The following MBD5 variants were observed in gnomAD, a reference collection of about 807,000 sequenced individuals.
MBD5 encodes the protein methyl-CpG binding domain protein 5.
In MBD5, 13 loss-of-function variants were observed where a neutral mutation model predicts 117.3. That is an observed-to-expected ratio of 0.11 (90% confidence interval 0.07 to 0.18). MBD5 has a LOEUF of 0.18. Ranked by LOEUF, MBD5 falls within the 10% of genes least tolerant of loss-of-function variation. MBD5 has a pLI of 1.00. For synonymous variants in MBD5, 727 were observed against 766.4 expected (o/e 0.95, Z 0.85); for missense variants, 1,879 against 2,093.8 (o/e 0.90, Z 2.00).
At chr2:148,051,572 G>C (rs973137489) in intron 1 of MBD5, among the ~76,000 whole-genome samples, 2 of 148,052 alleles carry the variant, frequency 1.4e-5, no homozygotes, top group African/African-American at 2.5e-5. Context: ...GTTCTGTCAG[G>C]CTGAGGAAAT....
chr2:148,158,175 C>T (rs891692226), intron 1 of MBD5, among the ~76,000 whole-genome samples: 14 of 151,630 alleles, frequency 9.2e-5, no homozygotes, highest in African/African-American at 3.2e-4. Context: ...ATATATGATC[C>T]ATCATATGCT....
At chr2:148,216,994 A>T (rs1289057694) in intron 2 of MBD5, among the ~76,000 whole-genome samples, 1 of 152,224 alleles carries the variant, frequency 6.6e-6, no homozygotes, top group Non-Finnish European at 1.5e-5. Context: ...TTTAGGACCT[A>T]AAGTAATGTT....
At chr2:148,386,008 C>T (rs1257940605) in intron 4 of MBD5, among the ~76,000 whole-genome samples, 1 of 148,432 alleles carries the variant, frequency 6.7e-6, no homozygotes, top group African/African-American at 2.5e-5. Flanking sequence ...ATACCTAATG[C>T]TAAATGAGGA....
intron 1 of MBD5, among the ~76,000 whole-genome samples, chr2:148,083,059 G>A (rs370683300): frequency 6.6e-6 from 1 of 152,152 alleles, no homozygotes. Flanking sequence ...ATCCAAGTCT[G>A]TTTGGTCCCC....
In MBD5 at chr2:148,483,476, A is replaced by G. The variant is rs774357650; in HGVS notation, c.2885A>G (p.Asn962Ser). 3.1e-6 allele frequency: 5 copies of G among 1,613,976 alleles called. No individual in the cohort carries two copies. In the Admixed American group the frequency reaches 6.7e-5, roughly 22 times the overall value. ...EINLHPLGFL[N>S]PNVNAALAFL... ...AACCTCCACCCTTTAGGTTTTCTCA[A>G]CCCGAATGTAAACGCTGCTTTAGCT... The change falls in exon 9 of 14, where the codon AAC becomes AGC. Residue 962 changes from asparagine to serine, a missense_variant. Physicochemically the swap from Asn to Ser is conservative, Grantham distance 46. Around this residue, in one of 4 missense-constraint regions of MBD5, gnomAD observed 1,666 missense variants for 1,792.2 expected, o/e 0.93. Coordinates refer to ENST00000642680, the MANE Select transcript of MBD5 (RefSeq NM_001378120.1).
At chr2:148,181,972 A>G (rs1023290833) in intron 2 of MBD5, among the ~76,000 whole-genome samples, 6 of 152,098 alleles carry the variant, frequency 3.9e-5, no homozygotes, top group African/African-American at 1.4e-4. Context: ...ATAGATTATT[A>G]TAATCATTTG....
At chr2:148,154,561 C>G (rs74990285) in intron 1 of MBD5, among the ~76,000 whole-genome samples, 2 of 152,360 alleles carry the variant, frequency 1.3e-5, no homozygotes, top group South Asian at 2.1e-4. Context: ...TGATCTCAGG[C>G]TGCTGTGCTA....
intron 2 of MBD5, among the ~76,000 whole-genome samples, chr2:148,228,915 C>A (rs1312217585): frequency 6.6e-6 from 1 of 152,110 alleles, no homozygotes; most frequent in Non-Finnish European, 1.5e-5. Flanking sequence ...TTATAGTATT[C>A]TCTGATGGTA....
At chr2:148,372,891 T>G (rs1386817956) in intron 4 of MBD5, among the ~76,000 whole-genome samples, 1 of 152,054 alleles carries the variant, frequency 6.6e-6, no homozygotes, top group East Asian at 1.9e-4. Flanking sequence ...TCTCTATAAT[T>G]TTTCCTCTGA....
intron 1 of MBD5, among the ~76,000 whole-genome samples, chr2:148,152,397 GA>G (rs1197620431): frequency 6.6e-6 from 1 of 152,152 alleles, no homozygotes; most frequent in African/African-American, 2.4e-5. Flanking sequence ...GTGCGGTGCT[GA>G]AAAAAGTGTA....
At chr2:148,386,579 C>T (rs1704371445) in intron 4 of MBD5, among the ~76,000 whole-genome samples, 1 of 150,878 alleles carries the variant, frequency 6.6e-6, no homozygotes, top group Non-Finnish European at 1.5e-5. Flanking sequence ...ATTAGCCGGG[C>T]GTAGTGGCGG....
chr2:148,247,907 C>T (rs1222117989), intron 3 of MBD5, among the ~76,000 whole-genome samples: 3 of 151,934 alleles, frequency 2.0e-5, no homozygotes, highest in Non-Finnish European at 2.9e-5. Context: ...TCATGATAAA[C>T]AACTAAAAAC....
At chr2:148,086,886 C>A (rs1486950422) in intron 1 of MBD5, among the ~76,000 whole-genome samples, 1 of 152,106 alleles carries the variant, frequency 6.6e-6, no homozygotes, top group Non-Finnish European at 1.5e-5. Context: ...TTTTGAATTA[C>A]CCATTTGACC....
chr2:148,424,341 A>G (rs1024692062), intron 4 of MBD5, among the ~76,000 whole-genome samples: 1 of 151,910 alleles, frequency 6.6e-6, no homozygotes, highest in Admixed American at 6.6e-5. Context: ...TAATTATCCT[A>G]AATATATATG....
At position 148,343,519 on chromosome 2, in the gene MBD5, T is replaced by C. The variant is rs185025466; in HGVS notation, c.-557+1183T>C. ...ATGGTTTTGATTTGCATTTCTCTGATGATTAGTGATAATAAGCACTTTTTC... is the reference window on the plus strand; with the variant it reads ...ATGGTTTTGATTTGCATTTCTCTGACGATTAGTGATAATAAGCACTTTTTC... On this transcript the variant is annotated intron_variant, in intron 4 of 13. Coordinates refer to ENST00000642680, the MANE Select transcript of MBD5 (RefSeq NM_001378120.1). 2.6e-5 allele frequency among the ~76,000 whole-genome samples: 4 copies of C among 152,248 alleles called. No individual in the cohort carries two copies. The East Asian group carries it at 7.7e-4, about 29-fold the overall frequency.
chr2:148,294,613 G>A (rs1024540654), intron 3 of MBD5, among the ~76,000 whole-genome samples: 20 of 143,178 alleles, frequency 1.4e-4, no homozygotes, highest in African/African-American at 5.2e-4. Flanking sequence ...AGGGATTCTC[G>A]TGCCTCAGCC....
intron 1 of MBD5, among the ~76,000 whole-genome samples, chr2:148,063,191 G>C (rs1695087973): frequency 6.6e-6 from 1 of 152,098 alleles, no homozygotes; most frequent in African/African-American, 2.4e-5. Context: ...TTGTGGGTGG[G>C]TTGAGTACCA....
chr2:148,388,778 A>C (rs1439412378), intron 4 of MBD5, among the ~76,000 whole-genome samples: 1 of 152,064 alleles, frequency 6.6e-6, no homozygotes, highest in African/African-American at 2.4e-5. Context: ...TTATAAGGAC[A>C]CCAGTCCTAC....
Position 148,021,501 on chromosome 2 carries a change from G to A in MBD5, c.-1108G>A, listed in dbSNP as rs900910992. On this transcript the variant is annotated 5_prime_UTR_variant, in exon 1 of 14. Transcript: ENST00000642680. ...TGCTGTTGCTGCTGCTGCTGCTACT[G>A]CTGCTGCTGCTACTGCTGCTGCTTG... The A allele has an allele frequency of 7.1e-6, 4 of 563,076 alleles. No individual in the cohort carries two copies. Among genetic ancestry groups the A allele is most frequent in the African/African-American group, 1.9e-5 (1 of 52,582 alleles). The allele number at this position is 563,076 out of a possible 1,614,324, so 34.9% of individuals were successfully genotyped here. A position where few individuals can be genotyped will look rare whatever the true frequency, so the allele number is the denominator to read the frequency against.
Sources: gnomAD v4.1 joint callset for allele counts (sites outside exome capture counted in the v4.1 genomes callset) on GRCh38, gnomAD v4.1.1 for gene constraint, gnomAD v4.1.1 regional missense constraint, MANE v1.5 for transcripts, NCBI Gene and HGNC (gene_info 2026-07-23, HGNC 2026-07-21) for gene names.